The following ADAMTS14 variants were observed in gnomAD, a reference collection of about 807,000 sequenced individuals.
The protein encoded by ADAMTS14 is A disintegrin and metalloproteinase with thrombospondin motifs 14.
ADAMTS14 carries 100 observed loss-of-function variants against 128.6 expected under a neutral mutation model. The ratio of observed to expected loss-of-function variants is 0.78; its 90% CI spans 0.66 to 0.92. The LOEUF (loss-of-function observed/expected upper bound fraction) is 0.92, where lower values mean the gene tolerates loss of function less well. ADAMTS14 is among the 40% of genes least tolerant of loss of function. ADAMTS14 has a pLI of 0.00. For missense variants in ADAMTS14, 1,562 were observed against 1,658.6 expected, an observed-to-expected ratio of 0.94 and a Z score of 1.01; for synonymous variants, 665 against 653.8, an observed-to-expected ratio of 1.02 and a Z score of -0.26.
At chr10:70,719,970 C>A (rs964806418) in intron 4 of ADAMTS14, among the ~76,000 whole-genome samples, 1 of 152,234 alleles carries the variant, frequency 6.6e-6, no homozygotes, top group African/African-American at 2.4e-5. Context: ...GAGGCTGCTG[C>A]GTTTCACAAA....
At chr10:70,739,178 C>T (rs4746062) in intron 11 of ADAMTS14, among the ~76,000 whole-genome samples, 188 bp downstream of exon 11, 141,850 of 152,132 alleles carry the variant, frequency 0.93, 66,394 homozygotes, top group East Asian at 1. Flanking sequence ...CACTAAGAAC[C>T]CTCAGGTCTG....
chr10:70,753,858 A>T lies in ADAMTS14; in HGVS notation c.2788A>T (p.Thr930Ser). ...SRSCGKLGVQ[T>S]RGIQCLLPLS... The stretch of plus-strand genomic sequence containing the variant: ...GAGCTGTGGGAAGCTGGGGGTGCAG[A>T]CACGGGGGATACAGTGCCTGCTGCC... The change falls in exon 19 of 22, where the codon ACA becomes TCA. Residue 930 changes from threonine (T) to serine (S), a missense_variant. Thr to Ser is a moderately conservative substitution (Grantham distance 58). Coordinates refer to ENST00000373207, the MANE Select transcript of ADAMTS14 (RefSeq NM_080722.4). 1 of 1,594,462 alleles carries T rather than the reference A, an allele frequency of 6.3e-7. No homozygotes were observed. Among genetic ancestry groups the T allele is most frequent in the Non-Finnish European group, 8.5e-7 (1 of 1,171,810 alleles).
rs544517536 is a variant in ADAMTS14 at position 70,757,821 on chromosome 10, T to A, written c.2938-141T>A. The A allele has an allele frequency of 4.4e-5, 56 of 1,277,960 alleles. 1 individual carries two copies. In the East Asian group the frequency reaches 9.2e-4, roughly 21 times the overall value. 79.2% of individuals were successfully genotyped at this position (1,277,960 alleles called of 1,614,324 possible). On this transcript the variant is annotated intron_variant, in intron 19 of 21. Coordinates refer to ENST00000373207, the MANE Select transcript of ADAMTS14 (RefSeq NM_080722.4). ...AAGCAGTCCTTGCATGTCCCTCTGG[T>A]CAAGTGAAGACTTGGTGCTCTCCTT...
chr10:70,749,920 G>A lies in ADAMTS14; in HGVS notation c.2362G>A (p.Ala788Thr), dbSNP rs1842301254. ...FTAMGLEWED[A>T]VEDAKESLKT... is the part of the protein sequence containing the mutation. ...CGCCATGGGCCTGGAGTGGGAGGAT[G>A]CGGTGGAGGATGCCAAGGAAAGCCT... Residue 788 changes from alanine to threonine, a missense_variant, in exon 16 of 22, where the codon GCG becomes ACG. Coordinates refer to ENST00000373207, the MANE Select transcript of ADAMTS14 (RefSeq NM_080722.4). 1.9e-6 allele frequency: 3 copies of A among 1,614,156 alleles called. No individual in the cohort carries two copies. Among genetic ancestry groups the A allele is most frequent in the African/African-American group, 1.3e-5 (1 of 75,032 alleles).
chr10:70,752,678 G>A (rs1472267543), intron 18 of ADAMTS14, among the ~76,000 whole-genome samples: 2 of 152,180 alleles, frequency 1.3e-5, no homozygotes, highest in African/African-American at 2.4e-5. Flanking sequence ...CAAGCAGACT[G>A]AGGCCGAGGG....
rs1272664293 is a variant in ADAMTS14, at chr10:70,733,999, C to T, written c.1323C>T (p.Cys441=). ...AAFHRFHWSR[C]SKLELSRYLP... Reference sequence around the variant, plus strand: ...TCCACCGCTTCCATTGGTCCCGCTGCAGCAAGCTGGAGCTCAGCCGCTACC... The same window carrying T: ...TCCACCGCTTCCATTGGTCCCGCTGTAGCAAGCTGGAGCTCAGCCGCTACC... Residue 441 remains cysteine (C), a synonymous_variant, in exon 8 of 22, where the codon TGC becomes TGT. Coordinates refer to ENST00000373207, the MANE Select transcript of ADAMTS14 (RefSeq NM_080722.4). 2 of 1,613,710 alleles carry T rather than the reference C, an allele frequency of 1.2e-6. No individual in the cohort carries two copies. Among genetic ancestry groups the T allele is most frequent in the Non-Finnish European group, 1.7e-6 (2 of 1,179,996 alleles).
chr10:70,743,723 A>G (rs1383099224), intron 13 of ADAMTS14, 42 bp downstream of exon 13: 3 of 1,524,530 alleles, frequency 2.0e-6, no homozygotes, highest in Non-Finnish European at 1.8e-6. Context: ...GCACAGGGAG[A>G]CTGGAGGGCT....
chr10:70,744,221 G>A (rs1842101904), intron 14 of ADAMTS14, 32 bp downstream of exon 14: 1 of 1,485,756 alleles, frequency 6.7e-7, no homozygotes, highest in African/African-American at 1.4e-5. Flanking sequence ...GGGATGACGA[G>A]GGCTGACTGG....
At position 70,760,894 on chromosome 10, in the gene ADAMTS14, T is replaced by C; in HGVS notation, c.*41T>C. 6.6e-7 allele frequency: 1 copy of C among 1,519,312 alleles called. No homozygotes were observed. Among genetic ancestry groups the C allele is most frequent in the South Asian group, 1.3e-5 (1 of 76,680 alleles). The allele number at this position is 1,519,312 out of a possible 1,614,324, so 94.1% of individuals were successfully genotyped here. ...CCCACTGGCACGTTTACACTCTGTG[T>C]ACTGCCCCGTGACTCCCAGCTCAGA... On this transcript the variant is annotated 3_prime_UTR_variant, in exon 22 of 22. Transcript: ENST00000373207.
At chr10:70,675,666 TC>T (rs1839624940) in intron 2 of ADAMTS14, among the ~76,000 whole-genome samples, 1 of 152,120 alleles carries the variant, frequency 6.6e-6, no homozygotes, top group African/African-American at 2.4e-5. Context: ...CTTCCCAGAG[TC>T]TGGGAGCGCC....
intron 10 of ADAMTS14, among the ~76,000 whole-genome samples, chr10:70,737,420 C>A (rs1001193904): frequency 2.0e-5 from 3 of 152,196 alleles, no homozygotes; most frequent in Non-Finnish European, 2.9e-5. Context: ...TCTGACTCGC[C>A]AACACCTGAC....
At chr10:70,695,329 G>A (rs1437676507) in intron 2 of ADAMTS14, among the ~76,000 whole-genome samples, 1 of 152,194 alleles carries the variant, frequency 6.6e-6, no homozygotes, top group East Asian at 1.9e-4. Context: ...AGCTTAGCAA[G>A]CTGTATGTGA....
In ADAMTS14 at chr10:70,760,621, G is replaced by A. The variant is rs145186537; in HGVS notation, c.3440G>A (p.Arg1147Gln). 75 of 1,614,110 alleles carry A rather than the reference G, an allele frequency of 4.6e-5. No homozygotes were observed. In the East Asian group the frequency reaches 1.4e-3, roughly 30 times the overall value. The change falls in exon 22 of 22, where the codon CGA (arginine) becomes CAA (glutamine). Residue 1147 changes from arginine (R) to glutamine (Q), a missense_variant. Coordinates refer to ENST00000373207, the MANE Select transcript of ADAMTS14 (RefSeq NM_080722.4). Reference sequence around the variant, plus strand: ...GGATCAGAGGACCATCAGCATGGCCGAGCCACACAGCTCCCAGGAGCTCTG... The same window carrying A: ...GGATCAGAGGACCATCAGCATGGCCAAGCCACACAGCTCCCAGGAGCTCTG... ...PTGSEDHQHGRATQLPGALDT... is the reference protein window; with the variant it reads ...PTGSEDHQHGQATQLPGALDT...
At chr10:70,742,123 C>T (rs1756700562) in intron 12 of ADAMTS14, among the ~76,000 whole-genome samples, 1 of 152,212 alleles carries the variant, frequency 6.6e-6, no homozygotes, top group Non-Finnish European at 1.5e-5. Context: ...CCAGATTCTT[C>T]CAGAGCATCC....
In ADAMTS14 at chr10:70,749,955, C is replaced by A. The variant is rs777252699; in HGVS notation, c.2397C>A (p.Ser799Arg). 16 of 1,613,972 alleles carry A rather than the reference C, an allele frequency of 9.9e-6. No individual in the cohort carries two copies. The Admixed American group carries it at 2.7e-4, about 27-fold the overall frequency. ...ATGCCAAGGAAAGCCTCAAGACCAG[C>A]GGGCCCCTGCCTGAAGCCATTGCCA... The part of the protein sequence containing the change: ...VEDAKESLKT[S>R]GPLPEAIAIL... The change falls in exon 16 of 22, where the codon AGC becomes AGA. Residue 799 changes from serine to arginine, a missense_variant. Physicochemically the swap from Ser to Arg is moderately radical, Grantham distance 110 (BLOSUM62 -1). Transcript: ENST00000373207.
At chr10:70,675,746 G>T (rs1390217788) in intron 2 of ADAMTS14, among the ~76,000 whole-genome samples, 2 of 152,202 alleles carry the variant, frequency 1.3e-5, no homozygotes, top group Non-Finnish European at 2.9e-5. Flanking sequence ...CCCCCACCTG[G>T]GGTTGGCTCT....
At chr10:70,755,411 C>G (rs12762769) in intron 19 of ADAMTS14, among the ~76,000 whole-genome samples, 14,366 of 151,852 alleles carry the variant, frequency 0.095, 750 homozygotes, top group Middle Eastern at 0.12. Context: ...CCAGGGGCTG[C>G]TGGAGGGTGA....
At chr10:70,686,274 C>CTTTTT (rs5785998) in intron 2 of ADAMTS14, among the ~76,000 whole-genome samples, 18,897 of 124,510 alleles carry the variant, frequency 0.15, 1,818 homozygotes, top group Middle Eastern at 0.22. Context: ...TCAGCCTTTG[C>CTTTTT]TTTTTTTTTT....
At chr10:70,715,704 G>A (rs1028207054) in intron 4 of ADAMTS14, among the ~76,000 whole-genome samples, 1 of 152,176 alleles carries the variant, frequency 6.6e-6, no homozygotes, top group Non-Finnish European at 1.5e-5. Context: ...TGGGCTATAA[G>A]TGAGATGTTT....
Sources: gnomAD v4.1 joint callset for allele counts (sites outside exome capture counted in the v4.1 genomes callset) on GRCh38, gnomAD v4.1.1 for gene constraint, MANE v1.5 for transcripts, NCBI Gene and HGNC (gene_info 2026-07-23, HGNC 2026-07-21) for gene names.